The following ADAMTSL1 variants were observed in gnomAD, a reference collection of about 807,000 sequenced individuals.
ADAMTSL1 encodes the protein ADAMTS-like protein 1.
In ADAMTSL1, 126 loss-of-function variants were observed where a neutral mutation model predicts 201.8. The observed-to-expected ratio is 0.62, with a 90% CI of 0.54 to 0.72. The LOEUF is 0.72. Among genes scored for constraint, ADAMTSL1 ranks in the 30% least tolerant of loss-of-function variants. ADAMTSL1 has a pLI of 0.00. For synonymous variants in ADAMTSL1, 1,121 were observed against 903.4 expected (o/e 1.24, Z -4.32); for missense variants, 2,679 against 2,277.8 (o/e 1.18, Z -3.59).
intron 3 of ADAMTSL1, among the ~76,000 whole-genome samples, chr9:18,539,909 G>T (rs568451506): frequency 9.1e-4 from 139 of 152,094 alleles, no homozygotes; most frequent in African/African-American, 3.2e-3. Flanking sequence ...CCTGTTGGCC[G>T]GCCTAGAAGT....
chr9:18,595,910 C>T (rs1482599236), intron 4 of ADAMTSL1, among the ~76,000 whole-genome samples: 1 of 152,140 alleles, frequency 6.6e-6, no homozygotes, highest in Non-Finnish European at 1.5e-5. Flanking sequence ...AAATGACCCT[C>T]CTAGGTCATG....
chr9:17,925,795 TGTATAC>T (rs1191288711), intron 1 of ADAMTSL1, among the ~76,000 whole-genome samples: 2 of 150,050 alleles, frequency 1.3e-5, no homozygotes, highest in Non-Finnish European at 3.0e-5. Context: ...GCATGGCGCA[TGTATAC>T]GTATGTAACT....
At position 18,618,169 on chromosome 9, in the gene ADAMTSL1, G is replaced by C. The variant is rs944721; in HGVS notation, c.475-4074G>C. On this transcript the variant is annotated intron_variant, in intron 4 of 28. Coordinates refer to ENST00000380548, the MANE Select transcript of ADAMTSL1 (RefSeq NM_001040272.6). ...GTTGATGCATCAGGGCAGAGGTTTA[G>C]GTTTAGCCTCTTGCTGTCATTTATG... Among the ~76,000 whole-genome samples the C allele has an allele frequency of 2.4e-3, 371 of 152,268 alleles. 6 individuals carry two copies. Among genetic ancestry groups the C allele is most frequent in the African/African-American group, 8.7e-3 (360 of 41,558 alleles).
intron 2 of ADAMTSL1, among the ~76,000 whole-genome samples, chr9:18,258,804 C>G (rs16936473): frequency 0.13 from 19,506 of 152,148 alleles, 1,304 homozygotes; most frequent in Middle Eastern, 0.19. Flanking sequence ...CTTGTCATAA[C>G]CACGCATCTT....
chr9:18,320,874 G>A (rs946126057), intron 2 of ADAMTSL1, among the ~76,000 whole-genome samples: 3 of 151,918 alleles, frequency 2.0e-5, no homozygotes, highest in African/African-American at 4.8e-5. Context: ...TTAAGATGGA[G>A]TATTTTTTAA....
intron 16 of ADAMTSL1, among the ~76,000 whole-genome samples, chr9:18,764,771 C>A (rs1039779669): frequency 6.6e-6 from 1 of 152,208 alleles, no homozygotes; most frequent in African/African-American, 2.4e-5. Flanking sequence ...ACTTTATCTT[C>A]TTACCATTGA....
At chr9:18,181,786 G>T (rs1379028727) in intron 2 of ADAMTSL1, among the ~76,000 whole-genome samples, 2 of 151,492 alleles carry the variant, frequency 1.3e-5, no homozygotes, top group African/African-American at 2.4e-5. Context: ...CCCATTACTG[G>T]GTATATACCC....
In ADAMTSL1 at chr9:18,216,631, A is replaced by G. The variant is rs571728652; in HGVS notation, c.207+52650A>G. Among the ~76,000 whole-genome samples the G allele has an allele frequency of 1.1e-3, 158 of 149,716 alleles. 3 individuals carry two copies. In the South Asian group the frequency reaches 0.022, roughly 21 times the overall value. ...ACAGATTTGGGCACGCAGCAGTGAC[A>G]TACAACTCTTGCTCTCCTTTTTTTT... On this transcript the variant is annotated intron_variant, in intron 2 of 29. Coordinates refer to the ADAMTSL1 transcript ENST00000680146.
chr9:17,939,003 G>A (rs1203151001), intron 1 of ADAMTSL1, among the ~76,000 whole-genome samples: 2 of 151,948 alleles, frequency 1.3e-5, no homozygotes, highest in Non-Finnish European at 2.9e-5. Flanking sequence ...TATGTTTATG[G>A]CCTCTCCACA....
At chr9:18,242,449 A>G (rs1330163482) in intron 2 of ADAMTSL1, among the ~76,000 whole-genome samples, 2 of 152,194 alleles carry the variant, frequency 1.3e-5, no homozygotes, top group Non-Finnish European at 2.9e-5. Flanking sequence ...AAGATCCAGT[A>G]TGAAGCCAGG....
chr9:18,890,596 A>C (rs991805286), intron 25 of ADAMTSL1: 11 of 455,884 alleles, frequency 2.4e-5, no homozygotes, highest in African/African-American at 1.8e-4. Context: ...GATTCGATGA[A>C]ATATGAAACA....
intron 9 of ADAMTSL1, among the ~76,000 whole-genome samples, chr9:18,672,605 T>C (rs1337263524): frequency 6.6e-6 from 1 of 152,192 alleles, no homozygotes; most frequent in Non-Finnish European, 1.5e-5. Flanking sequence ...ATCTATATAT[T>C]TTCTCATTAT....
chr9:18,841,457 T>A (rs1025083355), intron 23 of ADAMTSL1, among the ~76,000 whole-genome samples: 14 of 152,154 alleles, frequency 9.2e-5, no homozygotes, highest in Non-Finnish European at 1.8e-4. Flanking sequence ...TATTGAGGAT[T>A]TTTGCATCAA....
chr9:17,938,300 G>T (rs1217757623), intron 1 of ADAMTSL1, among the ~76,000 whole-genome samples: 2 of 152,070 alleles, frequency 1.3e-5, no homozygotes, highest in South Asian at 4.1e-4. Context: ...CGTTTCACAT[G>T]GGTTCTTGGG....
At chr9:18,552,511 A>T (rs1268300559) in intron 3 of ADAMTSL1, among the ~76,000 whole-genome samples, 1 of 151,762 alleles carries the variant, frequency 6.6e-6, no homozygotes, top group Non-Finnish European at 1.5e-5. Flanking sequence ...TCTTGTAGAG[A>T]ACATGTTTTC....
At chr9:18,343,409 C>T (rs1293123182) in intron 2 of ADAMTSL1, among the ~76,000 whole-genome samples, 1 of 152,072 alleles carries the variant, frequency 6.6e-6, no homozygotes, top group African/African-American at 2.4e-5. Context: ...GATCTGGACC[C>T]CACCAGTGAT....
At chr9:18,186,237 T>A (rs1295690715) in intron 2 of ADAMTSL1, among the ~76,000 whole-genome samples, 1 of 152,162 alleles carries the variant, frequency 6.6e-6, no homozygotes, top group Non-Finnish European at 1.5e-5. Context: ...GAGGAAGAGA[T>A]CTTCTTGGTC....
At chr9:18,847,477 C>T (rs1235533469) in intron 23 of ADAMTSL1, among the ~76,000 whole-genome samples, 2 of 152,152 alleles carry the variant, frequency 1.3e-5, no homozygotes, top group Non-Finnish European at 2.9e-5. Context: ...CAAATGGCAT[C>T]ATATGGTAGA....
chr9:18,847,183 TA>T (rs1373476629), intron 23 of ADAMTSL1, among the ~76,000 whole-genome samples: 2 of 152,200 alleles, frequency 1.3e-5, no homozygotes, highest in African/African-American at 4.8e-5. Flanking sequence ...AGAAAAGCTC[TA>T]TAGGCTGCAC....
Sources: allele counts gnomAD v4.1 joint callset (sites outside exome capture counted in the v4.1 genomes callset), GRCh38; gene constraint gnomAD v4.1.1; transcripts MANE v1.5; gene names NCBI Gene and HGNC (gene_info 2026-07-23, HGNC 2026-07-21).